Variants in RAP1GDS1 observed in about 807,000 individuals in gnomAD.
RAP1GDS1 encodes the protein RAP1, GTP-GDP dissociation stimulator 1.
Under a neutral mutation model 71.1 loss-of-function variants are expected in RAP1GDS1, and 35 were observed. The ratio of observed to expected loss-of-function variants is 0.49; its 90% confidence interval spans 0.38 to 0.65. RAP1GDS1 has a LOEUF of 0.65. Ranked by LOEUF, RAP1GDS1 falls within the 30% of genes least tolerant of loss-of-function variation. RAP1GDS1 has a pLI of 0.00. For synonymous variants in RAP1GDS1, 229 were observed against 243.1 expected, an observed-to-expected ratio of 0.94 and a Z score of 0.54; for missense variants, 663 against 706.1, an observed-to-expected ratio of 0.94 and a Z score of 0.69.
intron 4 of RAP1GDS1, among the ~76,000 whole-genome samples, chr4:98,362,647 G>A (rs763062284): frequency 3.9e-5 from 6 of 152,102 alleles, no homozygotes; most frequent in South Asian, 2.1e-4. Flanking sequence ...AGAAAAATAC[G>A]TTGCTGCTCA....
intron 2 of RAP1GDS1, among the ~76,000 whole-genome samples, chr4:98,300,767 G>C (rs936813694): frequency 1.2e-4 from 18 of 152,086 alleles, no homozygotes; most frequent in African/African-American, 4.3e-4. Context: ...AAAAAAACTG[G>C]TGTGATTTGC....
chr4:98,352,402 A>G, intron 3 of RAP1GDS1, 74 bp from the exon 4 acceptor site: 3 of 1,496,850 alleles, frequency 2.0e-6, no homozygotes, highest in Non-Finnish European at 2.7e-6. Context: ...GTAGGTATTT[A>G]TTTTATTAGG....
intron 4 of RAP1GDS1, among the ~76,000 whole-genome samples, chr4:98,372,960 G>A (rs999393069): frequency 6.6e-6 from 1 of 152,200 alleles, no homozygotes; most frequent in African/African-American, 2.4e-5. Flanking sequence ...AAAGTGCTGA[G>A]ATTATAGGCG....
intron 4 of RAP1GDS1, among the ~76,000 whole-genome samples, chr4:98,358,598 T>C (rs115473624): frequency 6.6e-6 from 1 of 151,530 alleles, no homozygotes; most frequent in Non-Finnish European, 1.5e-5. Flanking sequence ...AAAAACCATG[T>C]TTATCTCTGA....
intron 5 of RAP1GDS1, among the ~76,000 whole-genome samples, chr4:98,386,385 T>C (rs1410923938): frequency 6.6e-6 from 1 of 151,966 alleles, no homozygotes; most frequent in Non-Finnish European, 1.5e-5. Context: ...CTCACACATA[T>C]AATTTTGCCA....
At chr4:98,420,189 C>CTA (rs1748614744) in intron 11 of RAP1GDS1, 45 bp downstream of exon 11, 1 of 1,409,962 alleles carries the variant, frequency 7.1e-7, no homozygotes, top group Admixed American at 2.3e-5. Flanking sequence ...ATATGATAGT[C>CTA]TTAATGTGCC....
chr4:98,293,261 C>T (rs114161220), intron 1 of RAP1GDS1, 147 bp from the exon 2 acceptor site: 20 of 527,664 alleles, frequency 3.8e-5, no homozygotes, highest in Non-Finnish European at 6.0e-5. Context: ...TTTAATAGTA[C>T]AGTCTAATGC....
intron 7 of RAP1GDS1, among the ~76,000 whole-genome samples, chr4:98,411,425 G>A (rs1372383246): frequency 6.6e-6 from 1 of 151,788 alleles, no homozygotes; most frequent in East Asian, 1.9e-4. Context: ...GACCAACCTG[G>A]GCAACACAGC....
chr4:98,443,015 A>ATTTTTTTTTCTTTTTTTTT lies in RAP1GDS1; in HGVS notation c.*907_*908insCTTTTTTTTTTTTTTTTTT, dbSNP rs543199019. The ATTTTTTTTTCTTTTTTTTT allele has an allele frequency of 1.7e-3, 236 of 138,236 alleles. 5 individuals carry two copies. Among genetic ancestry groups the ATTTTTTTTTCTTTTTTTTT allele is most frequent in the African/African-American group, 4.4e-3 (112 of 25,332 alleles). 8.6% of individuals were successfully genotyped at this position (138,236 alleles called of 1,614,324 possible). ...TGAGTATAGTTCATTGAAGAATGGA[A>ATTTTTTTTTCTTTTTTTTT]TTTTTTTTTTTTTTTTTTTTTTTGC... On this transcript the variant is annotated 3_prime_UTR_variant, in exon 15 of 15. Transcript: ENST00000408927.
intron 2 of RAP1GDS1, among the ~76,000 whole-genome samples, chr4:98,301,284 G>A (rs958317932): frequency 6.6e-6 from 1 of 151,994 alleles, no homozygotes. Flanking sequence ...TCCTTATGAA[G>A]TAGTGAAGAT....
At chr4:98,361,210 C>A (rs1390748133) in intron 4 of RAP1GDS1, among the ~76,000 whole-genome samples, 1 of 151,724 alleles carries the variant, frequency 6.6e-6, no homozygotes, top group Admixed American at 6.6e-5. Context: ...CTCTCACACA[C>A]ACACATATAT....
chr4:98,394,304 A>T (rs1744189608), intron 6 of RAP1GDS1, among the ~76,000 whole-genome samples: 1 of 152,194 alleles, frequency 6.6e-6, no homozygotes, highest in Admixed American at 6.5e-5. Flanking sequence ...AGAAATAGTC[A>T]TCATCCACTT....
chr4:98,321,513 G>A (rs1731885266), intron 2 of RAP1GDS1, among the ~76,000 whole-genome samples: 1 of 141,976 alleles, frequency 7.0e-6, no homozygotes, highest in South Asian at 2.4e-4. Flanking sequence ...GTTAAGGGCA[G>A]CCAGAGAGAA....
intron 1 of RAP1GDS1, among the ~76,000 whole-genome samples, chr4:98,278,432 GA>G (rs927811016): frequency 5.9e-5 from 9 of 151,962 alleles, no homozygotes; most frequent in African/African-American, 2.2e-4. Context: ...ATTACTTTTT[GA>G]AAATTAATAT....
At chr4:98,277,690 C>T (rs1264054587) in intron 1 of RAP1GDS1, among the ~76,000 whole-genome samples, 1 of 152,146 alleles carries the variant, frequency 6.6e-6, no homozygotes, top group African/African-American at 2.4e-5. Flanking sequence ...TAGTTCTATT[C>T]ACTCAGTGTT....
At chr4:98,429,292 G>C (rs538742902) in intron 12 of RAP1GDS1, among the ~76,000 whole-genome samples, 1 of 150,128 alleles carries the variant, frequency 6.7e-6, no homozygotes, top group South Asian at 2.1e-4. Context: ...ACTATGATGT[G>C]TATATATATA....
At chr4:98,415,741 T>C (rs1371144722) in intron 7 of RAP1GDS1, among the ~76,000 whole-genome samples, 2 of 152,180 alleles carry the variant, frequency 1.3e-5, no homozygotes, top group Non-Finnish European at 2.9e-5. Flanking sequence ...AAATACCTTA[T>C]GTTATGTTTA....
chr4:98,296,439 G>C (rs1396447693), intron 2 of RAP1GDS1, among the ~76,000 whole-genome samples: 3 of 151,494 alleles, frequency 2.0e-5, no homozygotes, highest in Non-Finnish European at 4.4e-5. Flanking sequence ...TATACTATAT[G>C]TGTCTATCTT....
rs1009990837 is a variant in RAP1GDS1, at chr4:98,308,156, A to ATG, written c.112+14657_112+14658dup. On this transcript the variant is annotated intron_variant, in intron 2 of 14. Transcript: ENST00000408927. ...AAAGAATATATATATGTGTGTATAT[A>ATG]TGTGTGTGTGTGTGTGTATGTATGT... Among the ~76,000 whole-genome samples, 299 of 148,930 alleles carry ATG rather than the reference A, an allele frequency of 2.0e-3. 1 individual carries two copies. Among genetic ancestry groups the ATG allele is most frequent in the African/African-American group, 5.1e-3 (209 of 40,604 alleles).
Sources: gnomAD v4.1 joint callset for allele counts (sites outside exome capture counted in the v4.1 genomes callset) on GRCh38, gnomAD v4.1.1 for gene constraint, MANE v1.5 for transcripts, NCBI Gene and HGNC (gene_info 2026-07-23, HGNC 2026-07-21) for gene names.